Variants in CEP250 observed in about 807,000 individuals in gnomAD.
CEP250 encodes centrosomal protein 250, also known as centrosome-associated protein CEP250.
Under a neutral mutation model 315.7 loss-of-function variants are expected in CEP250, and 242 were observed. The observed-to-expected ratio is 0.77, with a 90% confidence interval of 0.69 to 0.85. CEP250 has a LOEUF of 0.85. Ranked by LOEUF, CEP250 falls within the 40% of genes least tolerant of loss-of-function variation. The pLI is 0.00. For synonymous variants in CEP250, 1,088 were observed against 1,175.0 expected (o/e 0.93, Z 1.51); for missense variants, 2,515 against 2,886.4 (o/e 0.87, Z 2.95).
chr20:35,473,489 G>A lies in CEP250; in HGVS notation c.1325G>A (p.Gly442Glu). 1 of 1,614,162 alleles carries A rather than the reference G, an allele frequency of 6.2e-7. No individual in the cohort carries two copies. The highest frequency in any genetic ancestry group is 8.5e-7 in the Non-Finnish European group (1 of 1,180,026). Residue 442 changes from glycine (G) to glutamate (E), a missense_variant, in exon 13 of 35, where the codon GGG becomes GAG. Physicochemically the swap from Gly to Glu is moderately conservative, Grantham distance 98 (BLOSUM62 -2). Coordinates refer to ENST00000397527, the MANE Select transcript of CEP250 (RefSeq NM_007186.6). ...AGACAGCGGCTGCAGAAGCTCACTG[G>A]GGAGCGGGACACTCTGGCAGGGCAG... ...ALRQRLQKLT[G>E]ERDTLAGQTV...
Position 35,505,001 on chromosome 20 carries a change from T to G in CEP250, c.6632T>G (p.Leu2211Arg). The G allele has an allele frequency of 6.2e-7, 1 of 1,600,898 alleles. No individual in the cohort carries two copies. Among genetic ancestry groups the G allele is most frequent in the Non-Finnish European group, 8.5e-7 (1 of 1,171,462 alleles). ...VLERDSEQQR[L>R]QDELELTRRA... ...GAGCGGGACTCAGAACAGCAAAGGC[T>G]GCAGGTAAGTCACTCCATGGGGAGT... Residue 2211 changes from leucine to arginine, a missense_variant, in exon 30 of 35, where the codon CTG becomes CGG. Transcript: ENST00000397527.
intron 16 of CEP250, 167 bp from the exon 17 acceptor site, chr20:35,477,704 A>G: frequency 1.6e-6 from 1 of 625,738 alleles, no homozygotes; most frequent in Non-Finnish European, 2.8e-6. Flanking sequence ...TACCTGGAAT[A>G]TAGGCACTAG....
At chr20:35,463,503 C>T (rs2062804463) in intron 4 of CEP250, 72 bp from the exon 5 acceptor site, 4 of 1,399,304 alleles carry the variant, frequency 2.9e-6, no homozygotes, top group Non-Finnish European at 3.9e-6. Flanking sequence ...GCCTAAGATC[C>T]TCAGGGGCCT....
chr20:35,476,067 T>C (rs1303599277), intron 15 of CEP250: 4 of 222,944 alleles, frequency 1.8e-5, no homozygotes, highest in African/African-American at 9.2e-5. Context: ...TCTGCACTAC[T>C]TCTTTCCTCT....
At chr20:35,507,542 C>G (rs930353753) in intron 30 of CEP250, among the ~76,000 whole-genome samples, 196 bp from the exon 31 acceptor site, 3 of 151,960 alleles carry the variant, frequency 2.0e-5, no homozygotes, top group African/African-American at 7.3e-5. Flanking sequence ...ACCGCATATC[C>G]TTGAGAAGAG....
At chr20:35,484,528 TTC>T (rs2063450041) in intron 20 of CEP250, among the ~76,000 whole-genome samples, 1 of 152,158 alleles carries the variant, frequency 6.6e-6, no homozygotes, top group African/African-American at 2.4e-5. Flanking sequence ...TCCCTCCAGT[TTC>T]TCTTTTTCTC....
intron 3 of CEP250, among the ~76,000 whole-genome samples, chr20:35,461,653 C>A (rs938026309): frequency 6.6e-6 from 1 of 152,196 alleles, no homozygotes; most frequent in African/African-American, 2.4e-5. Flanking sequence ...TGTGGCCTGG[C>A]ACAAGTTTTT....
intron 12 of CEP250, 34 bp from the exon 13 acceptor site, chr20:35,473,340 T>TCA: frequency 3.8e-6 from 6 of 1,574,870 alleles, no homozygotes; most frequent in Non-Finnish European, 5.2e-6. Flanking sequence ...TTGCCCTTGT[T>TCA]CATCATCTGG....
At position 35,504,446 on chromosome 20, in the gene CEP250, T is replaced by G; in HGVS notation, c.6077T>G (p.Ile2026Ser). ...EEALRIQEGEIQDQDLRYQED... is the reference protein window; with the variant it reads ...EEALRIQEGESQDQDLRYQED... ...GCTCTGAGGATACAAGAAGGTGAGA[T>G]CCAGGACCAGGATCTCCGATACCAG... Residue 2026 changes from isoleucine (I) to serine (S), a missense_variant, in exon 30 of 35, where the codon ATC becomes AGC. By Grantham distance (142) the Ile-to-Ser change is moderately radical. Transcript: ENST00000397527. 1 of 1,611,532 alleles carries G rather than the reference T, an allele frequency of 6.2e-7. No individual in the cohort carries two copies. The highest frequency in any genetic ancestry group is 8.5e-7 in the Non-Finnish European group (1 of 1,178,980).
At chr20:35,505,048 T>G in intron 30 of CEP250, 43 bp downstream of exon 30, 1 of 1,505,004 alleles carries the variant, frequency 6.6e-7, no homozygotes, top group Non-Finnish European at 8.9e-7. Context: ...GACACACCCC[T>G]GTCTGGCTGA....
At chr20:35,488,439 C>T (rs1351715551) in intron 20 of CEP250, among the ~76,000 whole-genome samples, 1 of 151,910 alleles carries the variant, frequency 6.6e-6, no homozygotes, top group Non-Finnish European at 1.5e-5. Flanking sequence ...AGGAAGACCT[C>T]TTTTTTTTCT....
chr20:35,467,943 C>CTTTTTTTTTTTTTT, intron 9 of CEP250, among the ~76,000 whole-genome samples: 1 of 117,980 alleles, frequency 8.5e-6, no homozygotes, highest in Non-Finnish European at 1.7e-5. Flanking sequence ...AATATTACCT[C>CTTTTTTTTTTTTTT]TTTTTTTTTT....
At chr20:35,477,289 C>T (rs916567636) in intron 16 of CEP250, among the ~76,000 whole-genome samples, 1 of 152,130 alleles carries the variant, frequency 6.6e-6, no homozygotes, top group African/African-American at 2.4e-5. Flanking sequence ...GGATTACAGG[C>T]GTGAGCCACC....
At chr20:35,458,756 A>C (rs2062687451) in intron 2 of CEP250, among the ~76,000 whole-genome samples, 1 of 151,958 alleles carries the variant, frequency 6.6e-6, no homozygotes, top group South Asian at 2.1e-4. Context: ...TCCTGAGATA[A>C]TTTTTCTCTG....
intron 5 of CEP250, among the ~76,000 whole-genome samples, chr20:35,465,466 G>A (rs1449681275): frequency 1.3e-5 from 2 of 151,448 alleles, no homozygotes; most frequent in Non-Finnish European, 2.9e-5. Flanking sequence ...CACTTCCCAA[G>A]GTCAAACCGT....
intron 5 of CEP250, 151 bp downstream of exon 5, chr20:35,463,782 T>C: frequency 4.0e-6 from 2 of 503,834 alleles, no homozygotes. Flanking sequence ...ATCACACTGA[T>C]ATCTTCATTG....
intron 22 of CEP250, among the ~76,000 whole-genome samples, 186 bp downstream of exon 22, chr20:35,491,532 G>T (rs1291513278): frequency 6.6e-6 from 1 of 152,176 alleles, no homozygotes; most frequent in Non-Finnish European, 1.5e-5. Context: ...ACTTTGGCAG[G>T]CCAAGGTGGG....
Position 35,501,973 on chromosome 20 carries a change from TG to T in CEP250, c.4020+9del, listed in dbSNP as rs2064019682. ...ACAGCGAATGGAAGCCCAGGTAAAG[TG>T]GTACTGGTTTCAGGGAGGGGTTTGC... On this transcript the variant is annotated splice_region_variant and intron_variant, in intron 29 of 34. Transcript: ENST00000397527. The T allele has an allele frequency of 6.2e-7, 1 of 1,610,252 alleles. No individual in the cohort carries two copies. Among genetic ancestry groups the T allele is most frequent in the Admixed American group, 1.7e-5 (1 of 59,890 alleles).
intron 32 of CEP250, 152 bp downstream of exon 32, chr20:35,508,342 C>T: frequency 1.2e-6 from 1 of 811,692 alleles, no homozygotes; most frequent in East Asian, 2.7e-5. Flanking sequence ...GAGACAGAGT[C>T]TTGCTCTGTC....
Sources: allele counts gnomAD v4.1 joint callset (sites outside exome capture counted in the v4.1 genomes callset), GRCh38; gene constraint gnomAD v4.1.1; transcripts MANE v1.5; gene names NCBI Gene and HGNC (gene_info 2026-07-23, HGNC 2026-07-21).